ADAM7: variants seen among roughly 807,000 people sequenced by gnomAD.
ADAM7 encodes ADAM metallopeptidase domain 7.
A neutral mutation model predicts 102.9 loss-of-function variants in ADAM7; 97 were observed. The ratio of observed to expected loss-of-function variants is 0.94; its 90% confidence interval spans 0.80 to 1.12. ADAM7 has a LOEUF of 1.12. ADAM7 is among the 50% of genes most tolerant of loss of function. The probability of loss-of-function intolerance (pLI) is 0.00; values close to 1 mark genes in which losing one functional copy is unlikely to be tolerated. For synonymous variants in ADAM7, 334 were observed against 304.4 expected, an observed-to-expected ratio of 1.10 and a Z score of -1.01; for missense variants, 991 against 908.7, an observed-to-expected ratio of 1.09 and a Z score of -1.16.
chr8:24,472,531 T>C (rs1249318332), intron 7 of ADAM7, among the ~76,000 whole-genome samples: 3 of 151,886 alleles, frequency 2.0e-5, no homozygotes, highest in African/African-American at 7.3e-5. Context: ...AAAAATCAAA[T>C]CTGAAATTAT....
intron 2 of ADAM7, among the ~76,000 whole-genome samples, chr8:24,445,243 A>G (rs1585844961): frequency 6.6e-6 from 1 of 152,026 alleles, no homozygotes; most frequent in African/African-American, 2.4e-5. Context: ...AACCCTTTCT[A>G]TCTGATTAAG....
intron 20 of ADAM7, chr8:24,506,153 A>C: frequency 6.5e-7 from 1 of 1,548,428 alleles, no homozygotes; most frequent in Non-Finnish European, 8.7e-7. Flanking sequence ...ACTACATCAC[A>C]CTGGTACGTT....
At position 24,467,213 on chromosome 8, in the gene ADAM7, A is replaced by G. The variant is rs529899254; in HGVS notation, c.579+225A>G. 10 of 576,488 alleles carry G rather than the reference A, an allele frequency of 1.7e-5. 1 individual carries two copies. The highest frequency in any genetic ancestry group is 1.3e-4 in the African/African-American group (7 of 53,442). 35.7% of individuals were successfully genotyped at this position (576,488 alleles called of 1,614,324 possible). A position where few individuals can be genotyped will look rare whatever the true frequency, so the allele number is the denominator to read the frequency against. On this transcript the variant is annotated intron_variant, in intron 6 of 21. Coordinates refer to ENST00000175238, the MANE Select transcript of ADAM7 (RefSeq NM_003817.4). Reference sequence around the variant, plus strand: ...CAAGAAAGGATGATTCTACAATTCTATGTATAGATTGATAACATTGGGGCT... The same window carrying G: ...CAAGAAAGGATGATTCTACAATTCTGTGTATAGATTGATAACATTGGGGCT...
At chr8:24,503,306 G>A (rs73223171) in intron 20 of ADAM7, among the ~76,000 whole-genome samples, 19,198 of 152,080 alleles carry the variant, frequency 0.13, 1,568 homozygotes, top group Non-Finnish European at 0.18. Flanking sequence ...TAGCAACAGC[G>A]ATAATTTCCA....
chr8:24,481,441 T>C (rs1483816279), intron 8 of ADAM7, among the ~76,000 whole-genome samples: 1 of 152,176 alleles, frequency 6.6e-6, no homozygotes, highest in African/African-American at 2.4e-5. Context: ...AACCTACTTG[T>C]ACTGACTATT....
chr8:24,487,143 A>G, intron 10 of ADAM7, 44 bp from the exon 11 acceptor site: 4 of 1,595,396 alleles, frequency 2.5e-6, no homozygotes, highest in Non-Finnish European at 3.4e-6. Context: ...GTACTACAGT[A>G]TGCTAACTTT....
intron 11 of ADAM7, among the ~76,000 whole-genome samples, chr8:24,487,825 C>A (rs1351345977): frequency 6.6e-6 from 1 of 152,026 alleles, no homozygotes; most frequent in African/African-American, 2.4e-5. Context: ...TCTAGTGATA[C>A]CGTGAGAGAA....
chr8:24,490,912 G>GTT (rs200976746), intron 13 of ADAM7, 24 bp downstream of exon 13: 87 of 1,281,688 alleles, frequency 6.8e-5, no homozygotes, highest in East Asian at 2.6e-4. Flanking sequence ...CCAGGAGAAG[G>GTT]TTTTTTTTTT....
chr8:24,477,860 C>T (rs1347153289), intron 8 of ADAM7, among the ~76,000 whole-genome samples: 1 of 151,978 alleles, frequency 6.6e-6, no homozygotes, highest in Non-Finnish European at 1.5e-5. Flanking sequence ...CAACAAGATT[C>T]TTTCCTCACC....
chr8:24,445,619 G>A (rs1055231995), intron 2 of ADAM7, among the ~76,000 whole-genome samples: 12 of 152,126 alleles, frequency 7.9e-5, no homozygotes, highest in African/African-American at 2.2e-4. Context: ...TGGTTTTCCT[G>A]GCTATAGTAC....
chr8:24,507,293 T>C lies in ADAM7; in HGVS notation c.2209-187T>C, dbSNP rs537353323. 8.9e-4 allele frequency among the ~76,000 whole-genome samples: 135 copies of C among 152,130 alleles called. 3 individuals carry two copies. The South Asian group carries it at 0.027, about 30-fold the overall frequency. ...CACCATCTATCCTCCTCTCCCTCAA[T>C]CCCATAGGAATTTACAAACTGTCTT... On this transcript the variant is annotated intron_variant, in intron 20 of 21. Coordinates refer to ENST00000175238, the MANE Select transcript of ADAM7 (RefSeq NM_003817.4).
intron 8 of ADAM7, among the ~76,000 whole-genome samples, chr8:24,477,551 C>T (rs1819806451): frequency 1.2e-5 from 1 of 81,338 alleles, no homozygotes; most frequent in Non-Finnish European, 2.6e-5. Flanking sequence ...CTATGTGTCC[C>T]TTGGGCATAC....
rs565550644 is a variant in ADAM7, at chr8:24,487,762, G to T, written c.1091+445G>T. 4.6e-5 allele frequency among the ~76,000 whole-genome samples: 7 copies of T among 152,200 alleles called. No individual in the cohort carries two copies. The East Asian group carries it at 1.2e-3, about 25-fold the overall frequency. ...TCCTAAAAAGTCTATTCCATAACTA[G>T]GCGTGGCAGTTTTCTTTCTGGGGCT... On this transcript the variant is annotated intron_variant, in intron 11 of 21. Transcript: ENST00000175238.
intron 6 of ADAM7, 179 bp downstream of exon 6, chr8:24,467,167 T>C (rs1819455449): frequency 1.6e-6 from 1 of 621,748 alleles, no homozygotes; most frequent in East Asian, 2.7e-5. Context: ...GTTTATTTCA[T>C]AGAGTTTGTT....
intron 3 of ADAM7, among the ~76,000 whole-genome samples, chr8:24,456,931 T>C (rs1406356231): frequency 2.0e-5 from 3 of 152,200 alleles, no homozygotes; most frequent in African/African-American, 7.2e-5. Context: ...ACAGCCTTTT[T>C]ATAAACATAT....
Position 24,485,374 on chromosome 8 carries a change from T to A in ADAM7, c.960+13T>A, listed in dbSNP as rs1471534673. The A allele has an allele frequency of 4.4e-6, 7 of 1,602,940 alleles. No homozygotes were observed. In the East Asian group the frequency reaches 1.6e-4, roughly 36 times the overall value. On this transcript the variant is annotated intron_variant, in intron 10 of 21. Coordinates refer to ENST00000175238, the MANE Select transcript of ADAM7 (RefSeq NM_003817.4). Reference sequence around the variant, plus strand: ...CAGTATCATTAAGGTGGGCTGTGTTTTATTTATATTACTTAATAATGTTTG... The same window carrying A: ...CAGTATCATTAAGGTGGGCTGTGTTATATTTATATTACTTAATAATGTTTG...
In ADAM7 at chr8:24,492,101, G is replaced by C; in HGVS notation, c.1552+3G>C. 1 of 1,610,558 alleles carries C rather than the reference G, an allele frequency of 6.2e-7. No individual in the cohort carries two copies. The highest frequency in any genetic ancestry group is 1.1e-5 in the South Asian group (1 of 90,436). Reference sequence around the variant, plus strand: ...GTGCTCTGAACTATTTGATGATGGTGAGAGATAATCACAGTGAAGTATTCA... The same window carrying C: ...GTGCTCTGAACTATTTGATGATGGTCAGAGATAATCACAGTGAAGTATTCA... On this transcript the variant is annotated splice_donor_region_variant and intron_variant, in intron 14 of 21. Transcript: ENST00000175238.
rs1460969144 is a variant in ADAM7, at chr8:24,489,269, A to T, written c.1202A>T (p.Asp401Val). The T allele has an allele frequency of 1.2e-6, 2 of 1,613,496 alleles. No individual in the cohort carries two copies. Among genetic ancestry groups the T allele is most frequent in the Non-Finnish European group, 1.7e-6 (2 of 1,179,718 alleles). The change falls in exon 12 of 22, where the codon GAT becomes GTT. Residue 401 changes from aspartate (D) to valine (V), a missense_variant. By Grantham distance (152) the Asp-to-Val change is radical (BLOSUM62 -3). Transcript: ENST00000175238. ...LNIPFPYNFH[D>V]FQFCGNKKLD... ...ATTCCATTTCCTTACAATTTTCATG[A>T]TTTCCAATTTTGTGGAAACAAGAAG...
intron 8 of ADAM7, among the ~76,000 whole-genome samples, chr8:24,481,147 T>C (rs1350410171): frequency 6.6e-6 from 1 of 152,142 alleles, no homozygotes; most frequent in Non-Finnish European, 1.5e-5. Flanking sequence ...CAGGGTAGAT[T>C]TGAAGTCAGA....
Sources: allele counts gnomAD v4.1 joint callset (sites outside exome capture counted in the v4.1 genomes callset), GRCh38; gene constraint gnomAD v4.1.1; transcripts MANE v1.5; gene names NCBI Gene and HGNC (gene_info 2026-07-23, HGNC 2026-07-21).